Variants in POFUT2 observed in about 807,000 individuals in gnomAD.
The protein encoded by POFUT2 is GDP-fucose protein O-fucosyltransferase 2.
Under a neutral mutation model 55.0 loss-of-function variants are expected in POFUT2, and 30 were observed. That is an observed-to-expected ratio of 0.55 (90% CI 0.41 to 0.74). The LOEUF (loss-of-function observed/expected upper bound fraction) is 0.74, where lower values mean the gene tolerates loss of function less well. POFUT2 is among the 30% of genes least tolerant of loss of function. The pLI is 0.00. For missense variants in POFUT2, 524 were observed against 562.6 expected (o/e 0.93, Z 0.69); for synonymous variants, 267 against 231.1 (o/e 1.16, Z -1.41).
rs1481903077 is a variant in POFUT2 at position 45,267,437 on chromosome 21, A to G, written c.1136+153T>C. The G allele has an allele frequency of 1.2e-6, 2 of 1,612,466 alleles. No homozygotes were observed. Among genetic ancestry groups the G allele is most frequent in the East Asian group, 4.5e-5 (2 of 44,872 alleles). On this transcript the variant is annotated intron_variant, in intron 8 of 8. Transcript: ENST00000349485. This position sits in a 1 kb window ranked among gnomAD's most constrained non-coding sequence, Gnocchi z 4.4. ...TCAGCCCAGGGAAACACTGAACCAG[A>G]TGCTACAGGAGACTCAGACGAGGAG...
At chr21:45,280,830 G>A (rs934641813) in intron 4 of POFUT2, among the ~76,000 whole-genome samples, 1 of 152,164 alleles carries the variant, frequency 6.6e-6, no homozygotes, top group African/African-American at 2.4e-5. Flanking sequence ...TCCCTCACTC[G>A]CTGAGTTTCG....
chr21:45,266,924 G>A, intron 8 of POFUT2: 1 of 1,022,644 alleles, frequency 9.8e-7, no homozygotes, highest in Non-Finnish European at 1.2e-6. Flanking sequence ...ATGCAGATGG[G>A]CAGGCAGGTC....
In POFUT2 at chr21:45,265,245, C is replaced by A; in HGVS notation, c.*237G>T. The A allele has an allele frequency of 4.9e-6, 2 of 405,064 alleles. No individual in the cohort carries two copies. The highest frequency in any genetic ancestry group is 4.4e-6 in the Non-Finnish European group (1 of 227,432). 25.1% of individuals were successfully genotyped at this position (405,064 alleles called of 1,614,324 possible). ...CGAGCTGTGGGTTCACAGACGCTGC[C>A]TGAAAACAACCGCCACCCCCGAGAG... On this transcript the variant is annotated 3_prime_UTR_variant, in exon 9 of 9. Coordinates refer to ENST00000349485, the MANE Select transcript of POFUT2 (RefSeq NM_133635.6). The surrounding 1 kb of genome is among the most constrained non-coding windows in gnomAD (Gnocchi z 4.6).
intron 6 of POFUT2, among the ~76,000 whole-genome samples, chr21:45,271,240 TAAAGA>T: frequency 6.6e-6 from 1 of 152,048 alleles, no homozygotes; most frequent in South Asian, 2.1e-4. Context: ...AAGACACACT[TAAAGA>T]AACGAAATAC....
Position 45,265,674 on chromosome 21 carries a change from T to G in POFUT2, c.1137-39A>C, listed in dbSNP as rs1312203888. The G allele has an allele frequency of 2.6e-6, 2 of 775,524 alleles. No individual in the cohort carries two copies. Among genetic ancestry groups the G allele is most frequent in the Non-Finnish European group, 1.7e-6 (1 of 581,686 alleles). The allele number at this position is 775,524 out of a possible 1,614,324, so 48.0% of individuals were successfully genotyped here. A position where few individuals can be genotyped will look rare whatever the true frequency, so the allele number is the denominator to read the frequency against. On this transcript the variant is annotated intron_variant, in intron 8 of 8. Coordinates refer to ENST00000349485, the MANE Select transcript of POFUT2 (RefSeq NM_133635.6). The surrounding 1 kb of genome is among the most constrained non-coding windows in gnomAD (Gnocchi z 4.6). ...CAGAGGTTCCAGAGTCAGGGAGAAC[T>G]GGCGTCACAGAGGTTCCAGAGTCAG...
chr21:45,278,292 A>C, intron 4 of POFUT2, 123 bp from the exon 5 acceptor site: 1 of 848,418 alleles, frequency 1.2e-6, no homozygotes. Flanking sequence ...TCCGAGGGAC[A>C]CTAACCAGGG....
chr21:45,283,543 A>G lies in POFUT2; in HGVS notation c.383-16T>C, dbSNP rs1555951108. The G allele has an allele frequency of 1.2e-6, 2 of 1,613,008 alleles. No homozygotes were observed. The highest frequency in any genetic ancestry group is 3.3e-4 in the Middle Eastern group (2 of 6,058). On this transcript the variant is annotated splice_polypyrimidine_tract_variant and intron_variant, in intron 2 of 8. Coordinates refer to ENST00000349485, the MANE Select transcript of POFUT2 (RefSeq NM_133635.6). ...CCACCAGATTCTGAAAGACACCAAG[A>G]AAAGCCAGGCAGTGTGACAGCGATC...
intron 4 of POFUT2, among the ~76,000 whole-genome samples, chr21:45,280,266 A>G (rs931440658): frequency 2.6e-5 from 4 of 152,306 alleles, no homozygotes; most frequent in Middle Eastern, 3.4e-3. Flanking sequence ...CTTCATGCAC[A>G]TGGAACATGA....
intron 7 of POFUT2, among the ~76,000 whole-genome samples, chr21:45,268,310 A>G (rs2093176724): frequency 6.6e-6 from 1 of 152,200 alleles, no homozygotes; most frequent in Non-Finnish European, 1.5e-5. Flanking sequence ...GCTGGAGTGC[A>G]GTGGCGTGAT....
At position 45,265,577 on chromosome 21, in the gene POFUT2, T is replaced by C. The variant is rs2093146009; in HGVS notation, c.1195A>G (p.Ile399Val). ...GTCGTCTTGGGGTCCAACCCCAGGA[T>C]TTCTCTTTCCTCATGAATCCGAAAA... ...FSFRIHEEREILGLDPKTTYN... is the reference protein window; with the variant it reads ...FSFRIHEEREVLGLDPKTTYN... Residue 399 changes from isoleucine (I) to valine (V), a missense_variant, in exon 9 of 9, where the codon ATC (isoleucine) becomes GTC (valine). Coordinates refer to ENST00000349485, the MANE Select transcript of POFUT2 (RefSeq NM_133635.6). The surrounding 1 kb of genome is among the most constrained non-coding windows in gnomAD (Gnocchi z 4.6). 2 of 1,613,982 alleles carry C rather than the reference T, an allele frequency of 1.2e-6. No individual in the cohort carries two copies. The highest frequency in any genetic ancestry group is 1.7e-6 in the Non-Finnish European group (2 of 1,179,994).
intron 7 of POFUT2, among the ~76,000 whole-genome samples, chr21:45,269,511 C>T (rs1290187449): frequency 6.6e-6 from 1 of 152,116 alleles, no homozygotes; most frequent in Non-Finnish European, 1.5e-5. Context: ...CTCTCTGAAA[C>T]ATGTGCTGTG....
At chr21:45,269,563 C>T (rs2093198519) in intron 7 of POFUT2, among the ~76,000 whole-genome samples, 1 of 152,110 alleles carries the variant, frequency 6.6e-6, no homozygotes, top group African/African-American at 2.4e-5. Context: ...ACAAGATGTG[C>T]TTTGTTAAAC....
chr21:45,283,405 G>A lies in POFUT2; in HGVS notation c.505C>T (p.Gln169Ter). The A allele has an allele frequency of 6.2e-7, 1 of 1,612,472 alleles. No individual in the cohort carries two copies. Among genetic ancestry groups the A allele is most frequent in the South Asian group, 1.1e-5 (1 of 91,044 alleles). The part of the protein sequence containing the change: ...RPCIDQLLYS[Q>*]DKHEYYRGWF... ...CACCTGTAGTACTCGTGCTTGTCCTGGGAGTACAGGAGCTGATCAATACAC... is the reference window on the plus strand; with the variant it reads ...CACCTGTAGTACTCGTGCTTGTCCTAGGAGTACAGGAGCTGATCAATACAC... Residue 169 changes from glutamine (Q) to a stop codon, truncating the protein, a stop_gained, in exon 3 of 9, where the codon CAG (glutamine) becomes TAG (stop). Coordinates refer to ENST00000349485, the MANE Select transcript of POFUT2 (RefSeq NM_133635.6). LOFTEE classifies it high-confidence loss of function.
chr21:45,282,386 T>C lies in POFUT2; in HGVS notation c.601A>G (p.Ile201Val). Residue 201 changes from isoleucine to valine, a missense_variant, in exon 4 of 9, where the codon ATC becomes GTC. Around this residue, in one of 2 missense-constraint regions of POFUT2, gnomAD observed 250 missense variants for 318.2 expected, o/e 0.79. Coordinates refer to ENST00000349485, the MANE Select transcript of POFUT2 (RefSeq NM_133635.6). This position sits in a 1 kb window ranked among gnomAD's most constrained non-coding sequence, Gnocchi z 4.6. ...TTTCTCAGCAGCAGGGGCGCCACGA[T>C]GGAGGCTGAGCCCTGGACGGACAGA... ...SCLSVQGSASIVAPLLLRNTS... is the reference protein window; with the variant it reads ...SCLSVQGSASVVAPLLLRNTS... 6.2e-7 allele frequency: 1 copy of C among 1,613,524 alleles called. No homozygotes were observed. Among genetic ancestry groups the C allele is most frequent in the Non-Finnish European group, 8.5e-7 (1 of 1,179,820 alleles).
At chr21:45,273,936 T>C (rs529083561) in intron 6 of POFUT2, among the ~76,000 whole-genome samples, 1 of 152,148 alleles carries the variant, frequency 6.6e-6, no homozygotes, top group African/African-American at 2.4e-5. Context: ...ACCACTTCTA[T>C]TCAACATAGT....
Position 45,265,310 on chromosome 21 carries a change from C to A in POFUT2, c.*172G>T. Reference sequence around the variant, plus strand: ...CATCAGCCATGGCGGCTGGCAACGCCGAGGACGGAGCCCAGCTCTAGAGGC... The same window carrying A: ...CATCAGCCATGGCGGCTGGCAACGCAGAGGACGGAGCCCAGCTCTAGAGGC... On this transcript the variant is annotated 3_prime_UTR_variant, in exon 9 of 9. Transcript: ENST00000349485. The surrounding 1 kb of genome is among the most constrained non-coding windows in gnomAD (Gnocchi z 4.6). 1 of 488,366 alleles carries A rather than the reference C, an allele frequency of 2.0e-6. No homozygotes were observed. The allele number at this position is 488,366 out of a possible 1,614,324, so 30.3% of individuals were successfully genotyped here. A position where few individuals can be genotyped will look rare whatever the true frequency, so the allele number is the denominator to read the frequency against.
Position 45,282,537 on chromosome 21 carries a change from C to T in POFUT2, c.528-78G>A, listed in dbSNP as rs1051779103. The T allele has an allele frequency of 2.4e-6, 2 of 818,834 alleles. No individual in the cohort carries two copies. Among genetic ancestry groups the T allele is most frequent in the Non-Finnish European group, 4.2e-6 (2 of 477,018 alleles). 50.7% of individuals were successfully genotyped at this position (818,834 alleles called of 1,614,324 possible). A position where few individuals can be genotyped will look rare whatever the true frequency, so the allele number is the denominator to read the frequency against. On this transcript the variant is annotated intron_variant, in intron 3 of 8. Transcript: ENST00000349485. The surrounding 1 kb of genome is among the most constrained non-coding windows in gnomAD (Gnocchi z 4.6). ...AAAACAAATCAAGTCTAGACACGCA[C>T]ACACTGTGGCTTGCTCCTGATGAAA... is the stretch of plus-strand genomic sequence containing the variant.
chr21:45,266,806 A>G lies in POFUT2; in HGVS notation c.1136+784T>C. ...GCAGGAGAGAGACAGACTAACCCAC[A>G]GAGACGCACGCGTGTGCACAGTGCT... On this transcript the variant is annotated intron_variant, in intron 8 of 8. Coordinates refer to ENST00000349485, the MANE Select transcript of POFUT2 (RefSeq NM_133635.6). The G allele has an allele frequency of 5.0e-6, 5 of 998,760 alleles. No homozygotes were observed. The South Asian group carries it at 1.3e-4, about 26-fold the overall frequency. 61.9% of individuals were successfully genotyped at this position (998,760 alleles called of 1,614,324 possible). A position where few individuals can be genotyped will look rare whatever the true frequency, so the allele number is the denominator to read the frequency against.
In POFUT2 at chr21:45,285,266, G is replaced by C; in HGVS notation, c.382+412C>G. The C allele has an allele frequency of 4.2e-6, 1 of 238,234 alleles. No individual in the cohort carries two copies. Among genetic ancestry groups the C allele is most frequent in the Non-Finnish European group, 8.5e-6 (1 of 117,606 alleles). 14.8% of individuals were successfully genotyped at this position (238,234 alleles called of 1,614,324 possible). On this transcript the variant is annotated intron_variant, in intron 2 of 8. Coordinates refer to ENST00000349485, the MANE Select transcript of POFUT2 (RefSeq NM_133635.6). This position sits in a 1 kb window ranked among gnomAD's most constrained non-coding sequence, Gnocchi z 4.9. ...AAGCAACACAAAATTAAACGAGACAGACCTTTATCCCTGGCGCTGCACTGA... is the reference window on the plus strand; with the variant it reads ...AAGCAACACAAAATTAAACGAGACACACCTTTATCCCTGGCGCTGCACTGA...
Sources: allele counts gnomAD v4.1 joint callset (sites outside exome capture counted in the v4.1 genomes callset), GRCh38; gene constraint gnomAD v4.1.1; regional missense constraint gnomAD v4.1.1; non-coding constraint Gnocchi (gnomAD v3.1); transcripts MANE v1.5; gene names NCBI Gene and HGNC (gene_info 2026-07-23, HGNC 2026-07-21).